Variants in BPHL observed in about 807,000 individuals in gnomAD.
BPHL encodes the protein biphenyl hydrolase like.
A neutral mutation model predicts 31.2 loss-of-function variants in BPHL; 27 were observed. The ratio of observed to expected loss-of-function variants is 0.87; its 90% CI spans 0.64 to 1.19. BPHL has a LOEUF of 1.19. Among genes scored for constraint, BPHL ranks in the 50% most tolerant of loss-of-function variants. The pLI is 0.00. For synonymous variants in BPHL, 150 were observed against 146.8 expected (o/e 1.02, Z -0.16); for missense variants, 356 against 375.7 (o/e 0.95, Z 0.43).
intron 6 of BPHL, among the ~76,000 whole-genome samples, chr6:3,143,387 A>G (rs1281466971): frequency 6.6e-6 from 1 of 152,206 alleles, no homozygotes; most frequent in African/African-American, 2.4e-5. Context: ...CTTCCAGCTT[A>G]TGTTAATTTG....
In BPHL at chr6:3,118,795, G is replaced by C; in HGVS notation, c.55G>C (p.Ala19Pro). ...GTTGCGCCTGCGGCTGCTTCTCTCAGCGCTGAAGCCCGGGATCCACGTCCC... is the reference window on the plus strand; with the variant it reads ...GTTGCGCCTGCGGCTGCTTCTCTCACCGCTGAAGCCCGGGATCCACGTCCC... ...GVLRLRLLLS[A>P]LKPGIHVPRA... The change falls in exon 1 of 7, where the codon GCG becomes CCG. Residue 19 changes from alanine (A) to proline (P), a missense_variant. Transcript: ENST00000380379. The C allele has an allele frequency of 8.0e-7, 1 of 1,247,706 alleles. No homozygotes were observed. The highest frequency in any genetic ancestry group is 3.8e-5 in the South Asian group (1 of 26,538). 77.3% of individuals were successfully genotyped at this position (1,247,706 alleles called of 1,614,324 possible). A position where few individuals can be genotyped will look rare whatever the true frequency, so the allele number is the denominator to read the frequency against.
chr6:3,150,505 C>T (rs550735951), intron 6 of BPHL, among the ~76,000 whole-genome samples: 1 of 152,344 alleles, frequency 6.6e-6, no homozygotes, highest in South Asian at 2.1e-4. Flanking sequence ...CAGTGAGGAA[C>T]CTGCCCTGGC....
At chr6:3,133,355 AG>A in intron 4 of BPHL, among the ~76,000 whole-genome samples, 1 of 152,166 alleles carries the variant, frequency 6.6e-6, no homozygotes, top group East Asian at 1.9e-4. Flanking sequence ...CAACCGGTCC[AG>A]GTCCTTGCCT....
intron 6 of BPHL, 42 bp from the exon 7 acceptor site, chr6:3,152,446 T>TG (rs1762548800): frequency 6.4e-7 from 1 of 1,550,770 alleles, no homozygotes; most frequent in Non-Finnish European, 8.9e-7. Flanking sequence ...TGTTCTTAAG[T>TG]GGTGGGCCAT....
chr6:3,127,649 C>G (rs1761753242), intron 3 of BPHL, among the ~76,000 whole-genome samples: 1 of 152,120 alleles, frequency 6.6e-6, no homozygotes, highest in African/African-American at 2.4e-5. Context: ...ATCACAAACG[C>G]AGTTTCATAT....
At position 3,152,823 on chromosome 6, in the gene BPHL, T is replaced by TC. The variant is rs1581494962; in HGVS notation, c.*249dup. The TC allele has an allele frequency of 5.5e-6, 2 of 360,672 alleles. No homozygotes were observed. Among genetic ancestry groups the TC allele is most frequent in the Non-Finnish European group, 1.0e-5 (2 of 199,072 alleles). The allele number at this position is 360,672 out of a possible 1,614,324, so 22.3% of individuals were successfully genotyped here. On this transcript the variant is annotated 3_prime_UTR_variant, in exon 7 of 7. Coordinates refer to ENST00000380379, the MANE Select transcript of BPHL (RefSeq NM_004332.4). ...GGGAGAATTGCCTGAGCCCAGGAGT[T>TC]CAAGACCAGCTTGTGCAATATAGGG...
At chr6:3,125,391 T>TA (rs141847999) in intron 2 of BPHL, among the ~76,000 whole-genome samples, 9,886 of 151,786 alleles carry the variant, frequency 0.065, 1,118 homozygotes, top group African/African-American at 0.22. Flanking sequence ...ATTCCAATAT[T>TA]AAAAAAAATG....
intron 4 of BPHL, among the ~76,000 whole-genome samples, chr6:3,132,079 A>G (rs372017621): frequency 1.1e-3 from 166 of 151,644 alleles, no homozygotes; most frequent in African/African-American, 3.9e-3. Context: ...GTAGCGCAGC[A>G]CTCTTTACTC....
chr6:3,130,613 T>C (rs61623712), intron 4 of BPHL, among the ~76,000 whole-genome samples: 7,784 of 152,228 alleles, frequency 0.051, 441 homozygotes, highest in African/African-American at 0.13. Flanking sequence ...GTGTTTTCTC[T>C]CCTCATGTGT....
intron 1 of BPHL, among the ~76,000 whole-genome samples, chr6:3,122,348 C>T (rs1194316926): frequency 6.6e-6 from 1 of 152,108 alleles, no homozygotes; most frequent in Non-Finnish European, 1.5e-5. Flanking sequence ...GGCACTCCAC[C>T]AGGAGAAGAG....
chr6:3,119,437 T>A (rs1485768024), intron 1 of BPHL: 1 of 1,611,630 alleles, frequency 6.2e-7, no homozygotes, highest in Non-Finnish European at 8.5e-7. Flanking sequence ...TCCCAGAGGA[T>A]CTGATCTACA....
chr6:3,142,616 T>A (rs975749252), intron 6 of BPHL, among the ~76,000 whole-genome samples: 4 of 152,188 alleles, frequency 2.6e-5, no homozygotes, highest in Non-Finnish European at 5.9e-5. Context: ...TGTTAAGCAA[T>A]CTTTCAAGGT....
chr6:3,123,240 G>A (rs1351924708), intron 1 of BPHL, among the ~76,000 whole-genome samples: 1 of 152,238 alleles, frequency 6.6e-6, no homozygotes, highest in Non-Finnish European at 1.5e-5. Context: ...ACTGAGAGGC[G>A]TTCTGGAGGC....
intron 6 of BPHL, among the ~76,000 whole-genome samples, chr6:3,142,442 GT>G (rs1762206205): frequency 6.6e-6 from 1 of 152,038 alleles, no homozygotes; most frequent in South Asian, 2.1e-4. Flanking sequence ...TACAATCTCA[GT>G]TTTTGTGCTT....
At position 3,152,714 on chromosome 6, in the gene BPHL, A is replaced by G; in HGVS notation, c.*139A>G. ...AATCTTATCCTAACCAAATGAGAAT[A>G]ATGACATATTGAAAACAGCCTCTAG... On this transcript the variant is annotated 3_prime_UTR_variant, in exon 7 of 7. Transcript: ENST00000380379. The G allele has an allele frequency of 1.4e-6, 1 of 726,972 alleles. No homozygotes were observed. Among genetic ancestry groups the G allele is most frequent in the East Asian group, 2.9e-5 (1 of 34,824 alleles). 45.0% of individuals were successfully genotyped at this position (726,972 alleles called of 1,614,324 possible).
At position 3,137,437 on chromosome 6, in the gene BPHL, C is replaced by T; in HGVS notation, c.608C>T (p.Ala203Val). ...LEALYGYDYF[A>V]RTCEKWVDGI... is the part of the protein sequence containing the mutation. Reference sequence around the variant, plus strand: ...GCCCTCTATGGGTATGACTACTTTGCCAGAACCTGTGAAAAGTGGGTGGAT... The same window carrying T: ...GCCCTCTATGGGTATGACTACTTTGTCAGAACCTGTGAAAAGTGGGTGGAT... The change falls in exon 5 of 7, where the codon GCC becomes GTC. Residue 203 changes from alanine (A) to valine (V), a missense_variant. By Grantham distance (64) the Ala-to-Val change is moderately conservative (BLOSUM62 0). Coordinates refer to ENST00000380379, the MANE Select transcript of BPHL (RefSeq NM_004332.4). 6.2e-7 allele frequency: 1 copy of T among 1,613,000 alleles called. No homozygotes were observed. Among genetic ancestry groups the T allele is most frequent in the East Asian group, 2.2e-5 (1 of 44,864 alleles).
rs530844039 is a variant in BPHL, at chr6:3,140,118, A to C, written c.665-268A>C. 78 of 460,664 alleles carry C rather than the reference A, an allele frequency of 1.7e-4. 1 individual carries two copies. In the South Asian group the frequency reaches 1.9e-3, roughly 11 times the overall value. The allele number at this position is 460,664 out of a possible 1,614,324, so 28.5% of individuals were successfully genotyped here. ...GGTGGGGTGTTTATTTGATTTTCCTACTATTTTATGCGAATTTAAATCAGG... is the reference window on the plus strand; with the variant it reads ...GGTGGGGTGTTTATTTGATTTTCCTCCTATTTTATGCGAATTTAAATCAGG... On this transcript the variant is annotated intron_variant, in intron 5 of 6. Coordinates refer to ENST00000380379, the MANE Select transcript of BPHL (RefSeq NM_004332.4). The surrounding 1 kb of genome is among the most constrained non-coding windows in gnomAD (Gnocchi z 5.2).
At chr6:3,147,868 A>G (rs576264198) in intron 6 of BPHL, among the ~76,000 whole-genome samples, 2 of 152,314 alleles carry the variant, frequency 1.3e-5, no homozygotes, top group East Asian at 3.9e-4. Context: ...AGGAAGAGCC[A>G]ATGTTTCAGC....
intron 4 of BPHL, among the ~76,000 whole-genome samples, chr6:3,136,392 G>A (rs957638): frequency 0.099 from 15,134 of 152,194 alleles, 1,963 homozygotes; most frequent in African/African-American, 0.29. Context: ...TTTATCTTCA[G>A]CTCACACGGG....
Sources: allele counts gnomAD v4.1 joint callset (sites outside exome capture counted in the v4.1 genomes callset), GRCh38; gene constraint gnomAD v4.1.1; non-coding constraint Gnocchi (gnomAD v3.1); transcripts MANE v1.5; gene names NCBI Gene and HGNC (gene_info 2026-07-23, HGNC 2026-07-21).